The following CNBD1 variants were observed in gnomAD, a reference collection of about 807,000 sequenced individuals.
CNBD1 encodes the protein cyclic nucleotide-binding domain-containing protein 1.
A neutral mutation model predicts 54.4 loss-of-function variants in CNBD1; 71 were observed. The observed-to-expected ratio is 1.30, with a 90% confidence interval of 1.08 to 1.59. The LOEUF is 1.59. CNBD1 is among the 40% of genes most tolerant of loss of function. CNBD1 has a pLI of 0.00. For synonymous variants in CNBD1, 182 were observed against 170.7 expected, an observed-to-expected ratio of 1.07 and a Z score of -0.51; for missense variants, 659 against 518.0, an observed-to-expected ratio of 1.27 and a Z score of -2.64.
chr8:87,427,738 T>C (rs1180489266), intron 2 of CNBD1, among the ~76,000 whole-genome samples: 1 of 152,234 alleles, frequency 6.6e-6, no homozygotes, highest in African/African-American at 2.4e-5. Flanking sequence ...CTCTTCATTA[T>C]GTCAGCAAAA....
chr8:87,194,171 C>G (rs1353290544), intron 4 of CNBD1, among the ~76,000 whole-genome samples: 3 of 152,210 alleles, frequency 2.0e-5, no homozygotes, highest in African/African-American at 7.2e-5. Flanking sequence ...ATGGTCTCCA[C>G]TAAACCAGTC....
chr8:87,079,912 G>T (rs1295672477), intron 4 of CNBD1, among the ~76,000 whole-genome samples: 1 of 152,066 alleles, frequency 6.6e-6, no homozygotes, highest in Non-Finnish European at 1.5e-5. Context: ...TAGATGCAAA[G>T]ATTTTTCTCA....
downstream of CNBD1, among the ~76,000 whole-genome samples, chr8:87,387,698 G>A (rs898015522): frequency 1.3e-5 from 2 of 152,102 alleles, no homozygotes; most frequent in Non-Finnish European, 2.9e-5. Context: ...ACAGATCAAT[G>A]AGACAGAAAG....
chr8:86,951,583 A>AAAC, intron 4 of CNBD1, among the ~76,000 whole-genome samples: 1 of 105,562 alleles, frequency 9.5e-6, no homozygotes, highest in East Asian at 2.3e-4. Context: ...CCGTCTCACA[A>AAAC]AAAAAAAAAA....
At chr8:87,211,309 AG>A (rs1814093575) in intron 5 of CNBD1, among the ~76,000 whole-genome samples, 1 of 152,158 alleles carries the variant, frequency 6.6e-6, no homozygotes, top group Non-Finnish European at 1.5e-5. Flanking sequence ...AACTCAGATA[AG>A]ACCTTGGACT....
intron 4 of CNBD1, among the ~76,000 whole-genome samples, chr8:87,002,944 G>T (rs1266431048): frequency 6.6e-6 from 1 of 152,042 alleles, no homozygotes; most frequent in Non-Finnish European, 1.5e-5. Context: ...ACTATTTTAG[G>T]TAATTAGTCA....
intron 6 of CNBD1, among the ~76,000 whole-genome samples, chr8:87,250,224 T>C (rs920622565): frequency 2.6e-5 from 4 of 152,134 alleles, no homozygotes; most frequent in African/African-American, 9.7e-5. Context: ...TATGAAAGAA[T>C]GCTCAACATA....
At chr8:87,221,722 G>T (rs1814343651) in intron 5 of CNBD1, among the ~76,000 whole-genome samples, 1 of 151,970 alleles carries the variant, frequency 6.6e-6, no homozygotes, top group Non-Finnish European at 1.5e-5. Flanking sequence ...TTGGAACAGA[G>T]AGTATCAATA....
chr8:86,885,539 C>T lies in CNBD1; in HGVS notation c.89-2003C>T, dbSNP rs115134989. ...CTGGAAAACAAATGTAAACTTTATACTCTTTGAACCTCTTTAAACTTTATC... is the reference window on the plus strand; with the variant it reads ...CTGGAAAACAAATGTAAACTTTATATTCTTTGAACCTCTTTAAACTTTATC... On this transcript the variant is annotated intron_variant, in intron 1 of 10. Transcript: ENST00000518476. Among the ~76,000 whole-genome samples the T allele has an allele frequency of 7.9e-3, 1,196 of 152,298 alleles. 14 individuals are homozygous for T. Among genetic ancestry groups the T allele is most frequent in the African/African-American group, 0.027 (1,110 of 41,578 alleles).
chr8:87,361,779 G>T (rs1276089209), intron 10 of CNBD1, among the ~76,000 whole-genome samples: 1 of 150,094 alleles, frequency 6.7e-6, no homozygotes, highest in East Asian at 1.9e-4. Context: ...GTATCAATTG[G>T]TTTATAAAGA....
intron 4 of CNBD1, among the ~76,000 whole-genome samples, chr8:87,158,288 T>A (rs985468224): frequency 1.3e-5 from 2 of 152,268 alleles, no homozygotes; most frequent in East Asian, 3.9e-4. Context: ...TAGGGTCTAC[T>A]GTGTAAGTTC....
At position 87,171,549 on chromosome 8, in the gene CNBD1, T is replaced by C. The variant is rs537492211; in HGVS notation, c.432-34444T>C. The stretch of plus-strand genomic sequence containing the variant: ...ATTTTTATTATTTCTTTTTTTCTAT[T>C]AATTTTGGGTTTTGTTTGTTCTTGC... On this transcript the variant is annotated intron_variant, in intron 4 of 10. Transcript: ENST00000518476. Among the ~76,000 whole-genome samples the C allele has an allele frequency of 5.3e-5, 8 of 152,118 alleles. No homozygotes were observed. The South Asian group carries it at 1.7e-3, about 32-fold the overall frequency.
At chr8:86,867,899 A>G (rs929223297) in intron 1 of CNBD1, among the ~76,000 whole-genome samples, 2 of 152,156 alleles carry the variant, frequency 1.3e-5, no homozygotes, top group Non-Finnish European at 2.9e-5. Context: ...ATCAGCAGCA[A>G]TTTAGATCTC....
intron 4 of CNBD1, among the ~76,000 whole-genome samples, chr8:86,950,600 G>A (rs10955125): frequency 0.54 from 81,283 of 151,288 alleles, 22,110 homozygotes; most frequent in Admixed American, 0.6. Context: ...TTGGCCTGTA[G>A]TTTCTTTTTT....
chr8:86,869,170 G>A (rs894528780), intron 1 of CNBD1, among the ~76,000 whole-genome samples: 1 of 152,106 alleles, frequency 6.6e-6, no homozygotes, highest in Non-Finnish European at 1.5e-5. Flanking sequence ...TAGATAATAC[G>A]TTTTTATTTT....
intron 4 of CNBD1, among the ~76,000 whole-genome samples, chr8:87,038,509 A>G (rs532193810): frequency 3.0e-4 from 45 of 152,334 alleles, no homozygotes; most frequent in African/African-American, 9.1e-4. Context: ...CTCTCCAGAC[A>G]TGCAAAAACC....
At chr8:87,322,837 T>C (rs1282453585) in intron 8 of CNBD1, among the ~76,000 whole-genome samples, 1 of 113,662 alleles carries the variant, frequency 8.8e-6, no homozygotes, top group Non-Finnish European at 1.9e-5. Context: ...TTTTGTCTTT[T>C]GTTGCCATTG....
chr8:87,079,352 A>G (rs1376555430), intron 4 of CNBD1, among the ~76,000 whole-genome samples: 5 of 152,140 alleles, frequency 3.3e-5, no homozygotes, highest in Admixed American at 2.0e-4. Flanking sequence ...GCTAGATTGT[A>G]TAGAAGGAGT....
chr8:86,950,377 C>T (rs1485909759), intron 4 of CNBD1, among the ~76,000 whole-genome samples: 1 of 151,990 alleles, frequency 6.6e-6, no homozygotes, highest in African/African-American at 2.4e-5. Flanking sequence ...CTATCAACTG[C>T]TTTTTAGGTA....
Sources: allele counts gnomAD v4.1 joint callset (sites outside exome capture counted in the v4.1 genomes callset), GRCh38; gene constraint gnomAD v4.1.1; transcripts MANE v1.5; gene names NCBI Gene and HGNC (gene_info 2026-07-23, HGNC 2026-07-21).